Variants in ITPR1 observed in about 807,000 individuals in gnomAD.
The protein encoded by ITPR1 is inositol 1,4,5-trisphosphate-gated calcium channel ITPR1.
ITPR1 carries 96 observed loss-of-function variants against 318.4 expected under a neutral mutation model. That is an observed-to-expected ratio of 0.30 (90% CI 0.26 to 0.36). The LOEUF (loss-of-function observed/expected upper bound fraction) is 0.36. Ranked by LOEUF, ITPR1 falls within the 10% of genes least tolerant of loss-of-function variation. The probability of loss-of-function intolerance (pLI) is 1.00; values close to 1 mark genes in which losing one functional copy is unlikely to be tolerated. For missense variants in ITPR1, 2,440 were observed against 3,460.2 expected (o/e 0.71, Z 7.40); for synonymous variants, 1,312 against 1,289.9 (o/e 1.02, Z -0.37).
At chr3:4,592,512 G>T (rs2090470947) in intron 4 of ITPR1, among the ~76,000 whole-genome samples, 1 of 151,954 alleles carries the variant, frequency 6.6e-6, no homozygotes, top group Admixed American at 6.6e-5. Context: ...TGAAAATTCA[G>T]CTCATACAGG....
At chr3:4,766,472 G>C (rs972952807) in intron 44 of ITPR1, 58 bp from the exon 45 acceptor site, 1 of 1,457,438 alleles carries the variant, frequency 6.9e-7, no homozygotes, top group African/African-American at 1.4e-5. Flanking sequence ...GGTGTCATGA[G>C]TGGGGTGCAG....
intron 33 of ITPR1, among the ~76,000 whole-genome samples, chr3:4,695,952 C>G (rs1420062528): frequency 1.3e-5 from 2 of 152,158 alleles, no homozygotes; most frequent in African/African-American, 4.8e-5. Flanking sequence ...TGCATTTCTT[C>G]AATTTGATGT....
At chr3:4,701,464 G>A (rs1470487249) in intron 35 of ITPR1, among the ~76,000 whole-genome samples, 1 of 152,182 alleles carries the variant, frequency 6.6e-6, no homozygotes, top group Non-Finnish European at 1.5e-5. Flanking sequence ...GGTTTCCCCT[G>A]CCAGTTTCCC....
intron 49 of ITPR1, among the ~76,000 whole-genome samples, chr3:4,780,183 T>C (rs987225365): frequency 1.3e-5 from 2 of 152,166 alleles, no homozygotes; most frequent in African/African-American, 2.4e-5. Context: ...AGAAGATTCA[T>C]GTCAAGCCCT....
chr3:4,500,917 G>A lies in ITPR1; in HGVS notation c.-17+6411G>A, dbSNP rs2080972281. ...TGCCAAGGCTGGAGTACAGTGACAT[G>A]ATGTTGGCTCACTGCAGCCTCAACC... is the stretch of plus-strand genomic sequence containing the variant. On this transcript the variant is annotated intron_variant, in intron 2 of 61. Transcript: ENST00000649015. Among the ~76,000 whole-genome samples the A allele has an allele frequency of 2.6e-5, 4 of 152,246 alleles. No individual in the cohort carries two copies. The East Asian group carries it at 7.7e-4, about 29-fold the overall frequency.
chr3:4,733,481 T>C (rs550398555), intron 43 of ITPR1, among the ~76,000 whole-genome samples: 1 of 152,224 alleles, frequency 6.6e-6, no homozygotes, highest in South Asian at 2.1e-4. Context: ...TTGGTGATGG[T>C]TGAATGATTT....
Position 4,674,363 on chromosome 3 carries a change from T to C in ITPR1, c.2598+20T>C. 6.3e-7 allele frequency: 1 copy of C among 1,593,782 alleles called. No individual in the cohort carries two copies. Among genetic ancestry groups the C allele is most frequent in the Non-Finnish European group, 8.5e-7 (1 of 1,169,858 alleles). On this transcript the variant is annotated intron_variant, in intron 22 of 61. Coordinates refer to ENST00000649015, the MANE Select transcript of ITPR1 (RefSeq NM_001378452.1). ...TTTGAGGTAACTCATGATGAAATCT[T>C]CTATGTGTATTATCTGCCTCTCAGT...
intron 22 of ITPR1, 58 bp downstream of exon 22, chr3:4,674,401 A>G (rs1009075648): frequency 2.8e-6 from 4 of 1,428,394 alleles, no homozygotes; most frequent in South Asian, 2.7e-5. Context: ...TCATTTTTCT[A>G]TGGGGCAAAT....
chr3:4,686,581 G>A (rs116306716), intron 30 of ITPR1, among the ~76,000 whole-genome samples: 115 of 152,314 alleles, frequency 7.6e-4, no homozygotes, highest in African/African-American at 2.6e-3. Flanking sequence ...GTAACCAGAT[G>A]TGGTTGGAAT....
At chr3:4,836,735 C>CTTTTTTTTTTTTT (rs201029025) in intron 60 of ITPR1, 39 bp from the exon 61 acceptor site, 2 of 1,070,454 alleles carry the variant, frequency 1.9e-6, no homozygotes, top group Non-Finnish European at 2.3e-6. Context: ...GTGACTCAGT[C>CTTTTTTTTTTTTT]TTTTTTTTTT....
At chr3:4,762,641 A>G (rs180989606) in intron 44 of ITPR1, among the ~76,000 whole-genome samples, 105 of 152,328 alleles carry the variant, frequency 6.9e-4, no homozygotes, top group African/African-American at 2.2e-3. Flanking sequence ...CAGCCCTTCT[A>G]TGTGGATTCA....
chr3:4,502,311 T>C (rs17757503), intron 2 of ITPR1, among the ~76,000 whole-genome samples: 32,919 of 152,180 alleles, frequency 0.22, 4,113 homozygotes, highest in Admixed American at 0.32. Flanking sequence ...ATTTTCCTTT[T>C]GGGCCTTTTG....
chr3:4,581,935 A>G (rs1559484392), intron 4 of ITPR1, among the ~76,000 whole-genome samples: 1 of 147,334 alleles, frequency 6.8e-6, no homozygotes, highest in South Asian at 2.2e-4. Context: ...TGTGAGTTTT[A>G]TTTTTTTTTA....
chr3:4,522,402 G>C (rs894697323), intron 4 of ITPR1, among the ~76,000 whole-genome samples: 4 of 152,110 alleles, frequency 2.6e-5, no homozygotes, highest in African/African-American at 7.2e-5. Flanking sequence ...AAATAAATTA[G>C]AATAAAATAG....
intron 4 of ITPR1, among the ~76,000 whole-genome samples, chr3:4,568,054 T>C (rs533968287): frequency 1.7e-4 from 26 of 152,092 alleles, no homozygotes; most frequent in Non-Finnish European, 3.8e-4. Context: ...GTCGGTGCAG[T>C]GAGGTGGGGA....
intron 4 of ITPR1, among the ~76,000 whole-genome samples, chr3:4,623,297 C>G (rs7636163): frequency 2.0e-5 from 3 of 152,208 alleles, no homozygotes; most frequent in South Asian, 2.1e-4. Context: ...AGCCCCTTAA[C>G]GCCTGCTTCA....
intron 39 of ITPR1, among the ~76,000 whole-genome samples, chr3:4,713,241 TA>T (rs1363007168): frequency 1.3e-5 from 2 of 152,202 alleles, no homozygotes; most frequent in Admixed American, 1.3e-4. Context: ...TTGCTCTCCA[TA>T]AAAAAGGTTA....
intron 4 of ITPR1, among the ~76,000 whole-genome samples, chr3:4,608,189 C>A (rs964035316): frequency 6.6e-6 from 1 of 152,158 alleles, no homozygotes; most frequent in African/African-American, 2.4e-5. Flanking sequence ...CAGTTTTACC[C>A]TGGCAATTAT....
intron 4 of ITPR1, among the ~76,000 whole-genome samples, chr3:4,556,031 C>T (rs945887028): frequency 1.3e-5 from 2 of 152,176 alleles, no homozygotes; most frequent in Non-Finnish European, 2.9e-5. Flanking sequence ...GCTCTTCATT[C>T]ACATGTGCAA....
Sources: gnomAD v4.1 joint callset for allele counts (sites outside exome capture counted in the v4.1 genomes callset) on GRCh38, gnomAD v4.1.1 for gene constraint, MANE v1.5 for transcripts, NCBI Gene and HGNC (gene_info 2026-07-23, HGNC 2026-07-21) for gene names.